CCDC171: variants seen among roughly 807,000 people sequenced by gnomAD.
The protein encoded by CCDC171 is coiled-coil domain-containing protein 171.
A neutral mutation model predicts 168.2 loss-of-function variants in CCDC171; 177 were observed. The ratio of observed to expected loss-of-function variants is 1.05; its 90% CI spans 0.93 to 1.19. CCDC171 has a LOEUF of 1.19. Among genes scored for constraint, CCDC171 ranks in the 50% most tolerant of loss-of-function variants. The pLI, the probability that CCDC171 is intolerant of heterozygous loss-of-function variation, is 0.00. For synonymous variants in CCDC171, 687 were observed against 540.8 expected (o/e 1.27, Z -3.75); for missense variants, 1,991 against 1,539.0 (o/e 1.29, Z -4.91).
intron 3 of CCDC171, among the ~76,000 whole-genome samples, chr9:16,011,036 G>C (rs979667232): frequency 6.6e-6 from 1 of 152,140 alleles, no homozygotes; most frequent in Non-Finnish European, 1.5e-5. Flanking sequence ...GCAAATGGGA[G>C]GCCAATGGAG....
chr9:16,084,143 G>C, the CCDC171 span, among the ~76,000 whole-genome samples: 6 of 152,194 alleles, frequency 3.9e-5, no homozygotes, highest in African/African-American at 1.4e-4. Flanking sequence ...CTGTAAAGCA[G>C]AATACTTAAA....
chr9:16,038,675 A>G (rs1328490639), upstream of CCDC171, among the ~76,000 whole-genome samples: 1 of 152,150 alleles, frequency 6.6e-6, no homozygotes, highest in African/African-American at 2.4e-5. Flanking sequence ...ATAGCAAAGT[A>G]AACACAAAGC....
intron 21 of CCDC171, among the ~76,000 whole-genome samples, chr9:15,802,274 G>A (rs2058861844): frequency 6.6e-6 from 1 of 151,564 alleles, no homozygotes; most frequent in Admixed American, 6.6e-5. Context: ...TTAAGTTTAG[G>A]GGTACATGTG....
At chr9:15,978,889 C>G (rs1831702074), downstream of CCDC171, among the ~76,000 whole-genome samples, 1 of 152,126 alleles carries the variant, frequency 6.6e-6, no homozygotes, top group Non-Finnish European at 1.5e-5. Flanking sequence ...TTGGCAATCA[C>G]TTTCCATTCC....
chr9:15,659,410 G>T (rs557246155), intron 8 of CCDC171, among the ~76,000 whole-genome samples: 2 of 152,022 alleles, frequency 1.3e-5, no homozygotes, highest in African/African-American at 4.8e-5. Context: ...AATAAATATG[G>T]TATTTGTTAT....
chr9:15,846,936 C>T (rs191485909), intron 22 of CCDC171, 89 bp downstream of exon 22: 3 of 1,188,366 alleles, frequency 2.5e-6, no homozygotes, highest in African/African-American at 1.5e-5. Flanking sequence ...CTGGATAATA[C>T]AGTGTTAGAA....
At chr9:15,932,352 A>G (rs1476920891) in intron 25 of CCDC171, among the ~76,000 whole-genome samples, 1 of 151,846 alleles carries the variant, frequency 6.6e-6, no homozygotes, top group Non-Finnish European at 1.5e-5. Context: ...CTTCATAGAT[A>G]TCTTACTTTT....
intron 1 of CCDC171, among the ~76,000 whole-genome samples, chr9:16,048,949 C>CAAA (rs34680045): frequency 2.9e-5 from 4 of 137,218 alleles, no homozygotes; most frequent in Admixed American, 1.4e-4. Context: ...TATAGAAAGA[C>CAAA]AAAAAAAAAA....
intron 21 of CCDC171, among the ~76,000 whole-genome samples, chr9:15,839,084 C>A (rs2060568207): frequency 6.6e-6 from 1 of 152,126 alleles, no homozygotes; most frequent in Non-Finnish European, 1.5e-5. Context: ...GAGTGCTGTA[C>A]AATTCATCAT....
At chr9:15,738,546 C>T (rs1446883124) in intron 16 of CCDC171, among the ~76,000 whole-genome samples, 1 of 152,004 alleles carries the variant, frequency 6.6e-6, no homozygotes, top group Non-Finnish European at 1.5e-5. Flanking sequence ...TGCTTTTGTC[C>T]CATATGAAAG....
At chr9:16,058,273 C>T (rs1028880823) in intron 1 of CCDC171, among the ~76,000 whole-genome samples, 13 of 152,102 alleles carry the variant, frequency 8.5e-5, no homozygotes, top group African/African-American at 3.1e-4. Flanking sequence ...CCCCATTCAT[C>T]TTTCTTTCCT....
At chr9:15,636,881 G>C (rs886235282) in intron 7 of CCDC171, among the ~76,000 whole-genome samples, 4 of 151,636 alleles carry the variant, frequency 2.6e-5, no homozygotes, top group African/African-American at 9.7e-5. Context: ...TATTAATTGT[G>C]TTATAGTTGT....
At chr9:15,650,585 C>T (rs1335955704) in intron 7 of CCDC171, among the ~76,000 whole-genome samples, 8 of 152,026 alleles carry the variant, frequency 5.3e-5, no homozygotes, top group Admixed American at 2.6e-4. Flanking sequence ...GTCCTTTTAT[C>T]GTATGATTTC....
intron 25 of CCDC171, among the ~76,000 whole-genome samples, chr9:15,952,461 G>T (rs1440456561): frequency 6.6e-6 from 1 of 152,108 alleles, no homozygotes; most frequent in Non-Finnish European, 1.5e-5. Context: ...ACAATGGCGT[G>T]ATCTCAGCTC....
intron 7 of CCDC171, 80 bp from the exon 8 acceptor site, chr9:15,657,047 A>G (rs2047993432): frequency 4.5e-6 from 3 of 671,258 alleles, no homozygotes; most frequent in Non-Finnish European, 7.1e-6. Context: ...TAAAGTGTTA[A>G]TTATAATGCT....
At chr9:15,736,007 C>T (rs73416209) in intron 16 of CCDC171, among the ~76,000 whole-genome samples, 7,055 of 152,006 alleles carry the variant, frequency 0.046, 354 homozygotes, top group South Asian at 0.12. Context: ...TAAGCCCTAC[C>T]ACAGGCATAT....
chr9:15,628,948 C>T (rs1189586209), intron 7 of CCDC171, among the ~76,000 whole-genome samples: 1 of 152,184 alleles, frequency 6.6e-6, no homozygotes, highest in African/African-American at 2.4e-5. Context: ...TAGCAAACTC[C>T]AGCAGACATG....
chr9:15,659,556 C>G (rs2048167464), intron 8 of CCDC171, among the ~76,000 whole-genome samples: 1 of 152,074 alleles, frequency 6.6e-6, no homozygotes, highest in Non-Finnish European at 1.5e-5. Context: ...GTTCTTATTT[C>G]ATGTTATTTA....
chr9:15,874,479 C>A (rs1817579754), intron 23 of CCDC171, 53 bp from the exon 24 acceptor site: 19 of 1,500,108 alleles, frequency 1.3e-5, no homozygotes, highest in South Asian at 9.7e-5. Flanking sequence ...CAGTTCATCC[C>A]AGTTAATGTG....
Sources: allele counts gnomAD v4.1 joint callset (sites outside exome capture counted in the v4.1 genomes callset), GRCh38; gene constraint gnomAD v4.1.1; transcripts MANE v1.5; gene names NCBI Gene and HGNC (gene_info 2026-07-23, HGNC 2026-07-21).